The following NOP14 variants were observed in gnomAD, a reference collection of about 807,000 sequenced individuals.
NOP14 encodes the protein NOP14 nucleolar protein, also known as nucleolar protein 14.
A neutral mutation model predicts 101.6 loss-of-function variants in NOP14; 57 were observed. The observed-to-expected ratio is 0.56, with a 90% CI of 0.45 to 0.70. NOP14 has a LOEUF of 0.70. NOP14 is among the 30% of genes least tolerant of loss of function. The pLI is 0.00. For synonymous variants in NOP14, 428 were observed against 424.0 expected, an observed-to-expected ratio of 1.01 and a Z score of -0.12; for missense variants, 1,134 against 1,075.5, an observed-to-expected ratio of 1.05 and a Z score of -0.76.
chr4:2,943,464 T>A (rs574341297), intron 13 of NOP14, among the ~76,000 whole-genome samples: 23 of 152,256 alleles, frequency 1.5e-4, no homozygotes, highest in Admixed American at 2.6e-4. Context: ...TGAGGAAGCA[T>A]CCAGGAGCAG....
rs978900412 is a variant in NOP14 at position 2,960,693 on chromosome 4, TC to T, written c.195+2431del. On this transcript the variant is annotated intron_variant, in intron 1 of 17. Coordinates refer to ENST00000416614, the MANE Select transcript of NOP14 (RefSeq NM_001291978.2). ...TATTAATATTATATTAATATTATAA[TC>T]ACATTAATATTAATATATTAATATT... 1.4e-5 allele frequency among the ~76,000 whole-genome samples: 2 copies of T among 137,964 alleles called. 1 individual carries two copies. Among genetic ancestry groups the T allele is most frequent in the African/African-American group, 5.6e-5 (2 of 35,502 alleles). 90.5% of individuals were successfully genotyped at this position (137,964 alleles called of 152,430 possible).
chr4:2,942,291 G>C lies in NOP14; in HGVS notation c.1952C>G (p.Ser651Cys). 1.2e-6 allele frequency: 2 copies of C among 1,614,162 alleles called. No homozygotes were observed. Among genetic ancestry groups the C allele is most frequent in the Non-Finnish European group, 1.7e-6 (2 of 1,180,018 alleles). The change falls in exon 14 of 18, where the codon TCT becomes TGT. Residue 651 changes from serine (S) to cysteine (C), a missense_variant. Coordinates refer to ENST00000416614, the MANE Select transcript of NOP14 (RefSeq NM_001291978.2). Reference protein sequence around the residue: ...LGKNSELLVVSAREDVATWQQ... With the variant: ...LGKNSELLVVCAREDVATWQQ... Reference sequence around the variant, plus strand: ...CCACGTGGCCACATCCTCTCTAGCAGACACCACGAGCAGTTCCGAGTTCTT... The same window carrying C: ...CCACGTGGCCACATCCTCTCTAGCACACACCACGAGCAGTTCCGAGTTCTT...
At chr4:2,943,065 T>C (rs1458715840) in intron 13 of NOP14, among the ~76,000 whole-genome samples, 2 of 152,146 alleles carry the variant, frequency 1.3e-5, no homozygotes, top group African/African-American at 4.8e-5. Flanking sequence ...CCTTCACACG[T>C]GGGACTGCAG....
Position 2,946,420 on chromosome 4 carries a change from A to G in NOP14, c.1627T>C (p.Leu543=). ...GACTGAACTCTGCTTACCACATCCA[A>G]CCCTGGCAATGCCGCCCGGCCTTTG... ...ETKGRAALPG[L]DVLIYLKITG... The change falls in exon 11 of 18, where the codon TTG becomes CTG. Residue 543 remains leucine, a synonymous_variant. Coordinates refer to ENST00000416614, the MANE Select transcript of NOP14 (RefSeq NM_001291978.2). 1 of 1,614,060 alleles carries G rather than the reference A, an allele frequency of 6.2e-7. No homozygotes were observed. The highest frequency in any genetic ancestry group is 8.5e-7 in the Non-Finnish European group (1 of 1,179,998).
At chr4:2,959,661 G>A (rs1368117100) in intron 1 of NOP14, among the ~76,000 whole-genome samples, 2 of 152,060 alleles carry the variant, frequency 1.3e-5, no homozygotes, top group Non-Finnish European at 2.9e-5. Flanking sequence ...AGAGTCTAAA[G>A]ACAGCGAGTG....
At chr4:2,954,958 G>C (rs370237837) in intron 3 of NOP14, among the ~76,000 whole-genome samples, 1 of 151,964 alleles carries the variant, frequency 6.6e-6, no homozygotes, top group Non-Finnish European at 1.5e-5. Context: ...GCAGGGCCTG[G>C]AGACTCTAGT....
intron 17 of NOP14, 21 bp downstream of exon 17, chr4:2,939,167 G>T: frequency 6.2e-7 from 1 of 1,613,376 alleles, no homozygotes; most frequent in Non-Finnish European, 8.5e-7. Flanking sequence ...CAATCGTGTC[G>T]CACACACACG....
intron 1 of NOP14, among the ~76,000 whole-genome samples, chr4:2,960,506 T>C (rs1715657600): frequency 6.6e-6 from 1 of 152,050 alleles, no homozygotes; most frequent in Non-Finnish European, 1.5e-5. Context: ...TCTTAAACTA[T>C]ATAGATGTTG....
Position 2,941,211 on chromosome 4 carries a change from G to A in NOP14, c.2199+371C>T, listed in dbSNP as rs1470356119. The A allele has an allele frequency of 1.4e-5, 3 of 218,340 alleles. No homozygotes were observed. The Admixed American group carries it at 1.7e-4, about 12-fold the overall frequency. 13.5% of individuals were successfully genotyped at this position (218,340 alleles called of 1,614,324 possible). A position where few individuals can be genotyped will look rare whatever the true frequency, so the allele number is the denominator to read the frequency against. On this transcript the variant is annotated intron_variant, in intron 15 of 17. Coordinates refer to ENST00000416614, the MANE Select transcript of NOP14 (RefSeq NM_001291978.2). Reference sequence around the variant, plus strand: ...GTCCCTTGGGGCTTCCTGTCACCTTGTGCAGGATAGTGAGACCATCCTTGG... The same window carrying A: ...GTCCCTTGGGGCTTCCTGTCACCTTATGCAGGATAGTGAGACCATCCTTGG...
rs1383695927 is a variant in NOP14 at position 2,942,035 on chromosome 4, C to G, written c.2051+157G>C. On this transcript the variant is annotated intron_variant, in intron 14 of 17. Transcript: ENST00000416614. Reference sequence around the variant, plus strand: ...TGAAAATGAAAAGAAAAAGGGACAGCAAGCCAACATGCCTCAGAAAGGCTT... The same window carrying G: ...TGAAAATGAAAAGAAAAAGGGACAGGAAGCCAACATGCCTCAGAAAGGCTT... 9 of 716,682 alleles carry G rather than the reference C, an allele frequency of 1.3e-5. No homozygotes were observed. The South Asian group carries it at 1.3e-4, about 11-fold the overall frequency. The allele number at this position is 716,682 out of a possible 1,614,324, so 44.4% of individuals were successfully genotyped here. A position where few individuals can be genotyped will look rare whatever the true frequency, so the allele number is the denominator to read the frequency against.
intron 13 of NOP14, among the ~76,000 whole-genome samples, chr4:2,942,838 G>A (rs1045605875): frequency 1.4e-4 from 16 of 116,026 alleles, no homozygotes; most frequent in African/African-American, 6.1e-4. Flanking sequence ...GCAAAGGCCT[G>A]TAGGACGCAG....
At position 2,945,354 on chromosome 4, in the gene NOP14, A is replaced by G. The variant is rs1714545476; in HGVS notation, c.1636-125T>C. ...GAGAGGGTGCATCTCCTTGGCCCAG[A>G]GCTCTGGCCTCAGTGTCACAGAACA... On this transcript the variant is annotated intron_variant, in intron 11 of 17. Coordinates refer to ENST00000416614, the MANE Select transcript of NOP14 (RefSeq NM_001291978.2). 5.6e-6 allele frequency: 4 copies of G among 709,930 alleles called. No homozygotes were observed. In the Admixed American group the frequency reaches 6.7e-5, roughly 12 times the overall value. The allele number at this position is 709,930 out of a possible 1,614,324, so 44.0% of individuals were successfully genotyped here.
intron 13 of NOP14, among the ~76,000 whole-genome samples, chr4:2,942,683 C>T (rs930295530): frequency 5.3e-5 from 8 of 152,266 alleles, no homozygotes; most frequent in Non-Finnish European, 1.0e-4. Flanking sequence ...CTGCCCCTGT[C>T]GGGGAGACAG....
At position 2,952,174 on chromosome 4, in the gene NOP14, A is replaced by T. The variant is rs1715067856; in HGVS notation, c.870+101T>A. On this transcript the variant is annotated intron_variant, in intron 6 of 17. Transcript: ENST00000416614. ...TTAAATAGACTAAAATATTCCACTG[A>T]TCAAACAGAGTATTCTCTTCAGCCC... The T allele has an allele frequency of 2.4e-6, 3 of 1,227,336 alleles. No homozygotes were observed. The South Asian group carries it at 4.5e-5, about 18-fold the overall frequency. The allele number at this position is 1,227,336 out of a possible 1,614,324, so 76.0% of individuals were successfully genotyped here. A position where few individuals can be genotyped will look rare whatever the true frequency, so the allele number is the denominator to read the frequency against.
rs767752450 is a variant in NOP14, at chr4:2,948,240, G to C, written c.1413+38C>G. The C allele has an allele frequency of 2.6e-6, 4 of 1,557,656 alleles. No individual in the cohort carries two copies. In the South Asian group the frequency reaches 3.7e-5, roughly 14 times the overall value. On this transcript the variant is annotated intron_variant, in intron 9 of 17. Coordinates refer to ENST00000416614, the MANE Select transcript of NOP14 (RefSeq NM_001291978.2). ...TGGCATTCATATACGGGGCTATGCT[G>C]ACACTCCCAGCGCTCCACACACACT...
chr4:2,957,127 G>C (rs1715403497), intron 2 of NOP14, among the ~76,000 whole-genome samples: 2 of 152,130 alleles, frequency 1.3e-5, no homozygotes, highest in Non-Finnish European at 2.9e-5. Flanking sequence ...TCAGCCTCCT[G>C]AGTAGCTGGG....
intron 1 of NOP14, chr4:2,961,722 TAGA>T (rs1715940671): frequency 2.0e-5 from 3 of 152,268 alleles, no homozygotes; most frequent in African/African-American, 2.4e-5. Flanking sequence ...TAACTCCCTC[TAGA>T]AGAATTTTTG....
rs1328637668 is a variant in NOP14 at position 2,951,173 on chromosome 4, C to T, written c.943G>A (p.Asp315Asn). 7 of 1,613,818 alleles carry T rather than the reference C, an allele frequency of 4.3e-6. No individual in the cohort carries two copies. The highest frequency in any genetic ancestry group is 5.9e-6 in the Non-Finnish European group (7 of 1,179,782). The change falls in exon 7 of 18, where the codon GAT becomes AAT. Residue 315 changes from aspartate to asparagine, a missense_variant. Asp to Asn is a conservative substitution (Grantham distance 23, BLOSUM62 1). Transcript: ENST00000416614. ...AGCACGAAGCCATCATTCAGATCATCTGCTGACATATGTTTTGGTTTCTTA... is the reference window on the plus strand; with the variant it reads ...AGCACGAAGCCATCATTCAGATCATTTGCTGACATATGTTTTGGTTTCTTA... ...NVKKPKHMSA[D>N]DLNDGFVLDK...
intron 1 of NOP14, among the ~76,000 whole-genome samples, chr4:2,960,855 A>G (rs1468339309): frequency 9.2e-6 from 1 of 108,308 alleles, no homozygotes; most frequent in East Asian, 2.2e-4. Flanking sequence ...TCACATTATC[A>G]ATATATTAAT....
Sources: gnomAD v4.1 joint callset for allele counts (sites outside exome capture counted in the v4.1 genomes callset) on GRCh38, gnomAD v4.1.1 for gene constraint, MANE v1.5 for transcripts, NCBI Gene and HGNC (gene_info 2026-07-23, HGNC 2026-07-21) for gene names.